The following KIAA0513 variants were observed in gnomAD, a reference collection of about 807,000 sequenced individuals.
KIAA0513 encodes the protein KIAA0513.
Under a neutral mutation model 56.5 loss-of-function variants are expected in KIAA0513, and 39 were observed. That is an observed-to-expected ratio of 0.69 (90% CI 0.53 to 0.90). KIAA0513 has a LOEUF of 0.90. Among genes scored for constraint, KIAA0513 ranks in the 40% least tolerant of loss-of-function variants. The probability of loss-of-function intolerance (pLI) is 0.00; values close to 1 mark genes in which losing one functional copy is unlikely to be tolerated. For missense variants in KIAA0513, 591 were observed against 535.2 expected (o/e 1.10, Z -1.03); for synonymous variants, 268 against 215.6 (o/e 1.24, Z -2.13).
At chr16:85,040,736 G>A (rs1334748878) in intron 1 of KIAA0513, among the ~76,000 whole-genome samples, 1 of 152,132 alleles carries the variant, frequency 6.6e-6, no homozygotes, top group African/African-American at 2.4e-5. Flanking sequence ...CTAAATGGGA[G>A]CCGCCTGCAG....
chr16:85,038,967 C>G (rs1170374410), intron 1 of KIAA0513, among the ~76,000 whole-genome samples: 1 of 152,154 alleles, frequency 6.6e-6, no homozygotes, highest in Middle Eastern at 3.2e-3. Context: ...CTGTTAGTGA[C>G]GTATTTTATT....
intron 1 of KIAA0513, among the ~76,000 whole-genome samples, chr16:85,059,604 C>T (rs2073375799): frequency 6.6e-6 from 1 of 152,230 alleles, no homozygotes; most frequent in African/African-American, 2.4e-5. Flanking sequence ...TCTCATCTCT[C>T]AACTGGGAGT....
intron 2 of KIAA0513, 27 bp from the exon 3 acceptor site, chr16:85,071,756 T>C (rs767222817): frequency 6.0e-5 from 90 of 1,501,356 alleles, no homozygotes; most frequent in African/African-American, 2.8e-4. Context: ...TTTTTTTTTT[T>C]CCTCTGCTCT....
intron 1 of KIAA0513, among the ~76,000 whole-genome samples, chr16:85,036,288 T>G (rs1343852495): frequency 1.3e-5 from 2 of 152,206 alleles, no homozygotes; most frequent in African/African-American, 2.4e-5. Context: ...TCAGAATGTT[T>G]CCATCACTCC....
At chr16:85,062,632 C>T (rs1270388387) in intron 1 of KIAA0513, among the ~76,000 whole-genome samples, 1 of 152,100 alleles carries the variant, frequency 6.6e-6, no homozygotes, top group Non-Finnish European at 1.5e-5. Context: ...TTTTTGACTC[C>T]CAGCGTGTTT....
chr16:85,033,032 C>G lies in KIAA0513; in HGVS notation c.-173+5174C>G, dbSNP rs146669526. Among the ~76,000 whole-genome samples, 54 of 152,242 alleles carry G rather than the reference C, an allele frequency of 3.5e-4. No homozygotes were observed. The East Asian group carries it at 8.1e-3, about 23-fold the overall frequency. On this transcript the variant is annotated intron_variant, in intron 1 of 12. Transcript: ENST00000683363. ...GCGGCGGGTGTGCCTGAATTCAATC[C>G]ATAATGCCTTCCAGCATCAAGATGC...
At chr16:85,063,057 C>T (rs28678628) in intron 1 of KIAA0513, among the ~76,000 whole-genome samples, 4,798 of 152,240 alleles carry the variant, frequency 0.032, 252 homozygotes, top group African/African-American at 0.1. Context: ...CCACAGCTAT[C>T]GGCGTGCAGG....
In KIAA0513 at chr16:85,083,738, C is replaced by T. The variant is rs550298705; in HGVS notation, c.1010+1145C>T. ...AGTGCACCAGCTCCTCATCTCTGAC[C>T]GGCCCCTGAGCCTTCCCCAGAAGAA... On this transcript the variant is annotated intron_variant, in intron 10 of 12. Transcript: ENST00000683363. Among the ~76,000 whole-genome samples the T allele has an allele frequency of 2.2e-3, 334 of 152,306 alleles. 2 individuals carry two copies. Among genetic ancestry groups the T allele is most frequent in the African/African-American group, 7.6e-3 (317 of 41,560 alleles).
chr16:85,033,309 C>T (rs926025735), intron 1 of KIAA0513, among the ~76,000 whole-genome samples: 68 of 152,308 alleles, frequency 4.5e-4, no homozygotes, highest in African/African-American at 1.6e-3. Context: ...AGGGACGCCA[C>T]AGCAGCAGGG....
rs1200792838 is a variant in KIAA0513, at chr16:85,088,290, C to G, written c.1201C>G (p.Leu401Val). The change falls in exon 13 of 13, where the codon CTT (leucine) becomes GTT (valine). Residue 401 changes from leucine to valine, a missense_variant. Leu to Val is a conservative substitution (Grantham distance 32). Transcript: ENST00000683363. ...TTCTCTTCCAGAGCAATACAAGCTG[C>G]TTAGTGACCACATTGAGCAAATGGC... Reference protein sequence around the residue: ...GNLDEEQYKLLSDHIEQMATE With the variant: ...GNLDEEQYKLVSDHIEQMATE 1.9e-6 allele frequency: 3 copies of G among 1,612,646 alleles called. No individual in the cohort carries two copies. The highest frequency in any genetic ancestry group is 1.1e-5 in the South Asian group (1 of 91,086).
intron 1 of KIAA0513, among the ~76,000 whole-genome samples, chr16:85,036,343 C>A (rs112312635): frequency 1.3e-5 from 2 of 152,218 alleles, no homozygotes; most frequent in Admixed American, 6.5e-5. Flanking sequence ...CCCCTGCCTC[C>A]CAAACTGGCC....
At chr16:85,035,200 C>T (rs1477699088) in intron 1 of KIAA0513, among the ~76,000 whole-genome samples, 1 of 152,226 alleles carries the variant, frequency 6.6e-6, no homozygotes, top group South Asian at 2.1e-4. Context: ...AGGCACTTGT[C>T]TCTTGCCCCC....
At chr16:85,058,767 C>G (rs1464585697) in intron 1 of KIAA0513, among the ~76,000 whole-genome samples, 2 of 152,166 alleles carry the variant, frequency 1.3e-5, no homozygotes, top group East Asian at 1.9e-4. Flanking sequence ...CTTGTCATCA[C>G]AGTAATCAGT....
chr16:85,078,293 C>A, intron 6 of KIAA0513, 122 bp from the exon 7 acceptor site: 1 of 992,968 alleles, frequency 1.0e-6, no homozygotes, highest in Non-Finnish European at 1.5e-6. Context: ...TCATAAAAGG[C>A]TTTTCAGAGC....
intron 8 of KIAA0513, among the ~76,000 whole-genome samples, chr16:85,080,988 G>A (rs912683800): frequency 5.9e-5 from 9 of 152,116 alleles, no homozygotes; most frequent in African/African-American, 1.2e-4. Flanking sequence ...AGAAGAAAAC[G>A]ACCCACCTCC....
chr16:85,040,664 C>T (rs77836337), intron 1 of KIAA0513, among the ~76,000 whole-genome samples: 3 of 152,186 alleles, frequency 2.0e-5, no homozygotes, highest in East Asian at 1.9e-4. Context: ...TCTTTTCATT[C>T]CCTTCTCTCT....
At chr16:85,046,406 C>T (rs1733809462) in intron 1 of KIAA0513, among the ~76,000 whole-genome samples, 1 of 152,204 alleles carries the variant, frequency 6.6e-6, no homozygotes, top group African/African-American at 2.4e-5. Flanking sequence ...TAAATTCTCC[C>T]ACCTCCTTTC....
intron 1 of KIAA0513, among the ~76,000 whole-genome samples, chr16:85,056,859 C>G (rs2073337559): frequency 6.6e-6 from 1 of 152,142 alleles, no homozygotes; most frequent in Non-Finnish European, 1.5e-5. Flanking sequence ...TGCCTCCATG[C>G]TTGGCTAATT....
intron 9 of KIAA0513, among the ~76,000 whole-genome samples, chr16:85,082,358 C>T (rs567835198): frequency 6.6e-6 from 1 of 152,226 alleles, no homozygotes; most frequent in African/African-American, 2.4e-5. Flanking sequence ...CAGGGACATG[C>T]TCAGATGCCC....
Sources: gnomAD v4.1 joint callset for allele counts (sites outside exome capture counted in the v4.1 genomes callset) on GRCh38, gnomAD v4.1.1 for gene constraint, MANE v1.5 for transcripts, NCBI Gene and HGNC (gene_info 2026-07-23, HGNC 2026-07-21) for gene names.